The following MYO10 variants were observed in gnomAD, a reference collection of about 807,000 sequenced individuals.
MYO10 encodes unconventional myosin-X.
MYO10 carries 133 observed loss-of-function variants against 257.3 expected under a neutral mutation model. The ratio of observed to expected loss-of-function variants is 0.52; its 90% CI spans 0.45 to 0.60. The LOEUF (loss-of-function observed/expected upper bound fraction) is 0.60. Among genes scored for constraint, MYO10 ranks in the 20% least tolerant of loss-of-function variants. The pLI, the probability that MYO10 is intolerant of heterozygous loss-of-function variation, is 0.00. For missense variants in MYO10, 2,399 were observed against 2,635.7 expected, an observed-to-expected ratio of 0.91 and a Z score of 1.97; for synonymous variants, 1,104 against 1,028.6, an observed-to-expected ratio of 1.07 and a Z score of -1.40.
chr5:16,746,342 C>T (rs1308571948), intron 19 of MYO10, among the ~76,000 whole-genome samples: 4 of 152,158 alleles, frequency 2.6e-5, no homozygotes, highest in Non-Finnish European at 5.9e-5. Flanking sequence ...TTTGTGCTGA[C>T]CTCCTATCTC....
At chr5:16,810,985 C>T (rs1395838559) in intron 3 of MYO10, among the ~76,000 whole-genome samples, 1 of 149,358 alleles carries the variant, frequency 6.7e-6, no homozygotes, top group African/African-American at 2.5e-5. Flanking sequence ...AGAAGAATTG[C>T]TTGAACCCAG....
chr5:16,766,118 T>G lies in MYO10; in HGVS notation c.1141A>C (p.Arg381=), dbSNP rs373986430. The change falls in exon 11 of 41, where the codon AGG becomes CGG. Residue 381 remains arginine, a synonymous_variant. Transcript: ENST00000513610. ...DALTQRSMFL[R]GEEILTPLNV... is the part of the protein sequence containing the mutation. The stretch of plus-strand genomic sequence containing the variant: ...AGAGGCGTGAGGATCTCTTCTCCCC[T>G]GAGGAACATTGATCTCTGGGTCAAA... 198 of 1,613,660 alleles carry G rather than the reference T, an allele frequency of 1.2e-4. 2 individuals are homozygous for G. In the African/African-American group the frequency reaches 2.2e-3, roughly 18 times the overall value.
intron 1 of MYO10, among the ~76,000 whole-genome samples, chr5:16,882,482 CA>C (rs34097851): frequency 0.47 from 71,915 of 151,704 alleles, 17,652 homozygotes; most frequent in Admixed American, 0.54. Context: ...TTCTTACCAG[CA>C]AAAATACTGG....
intron 19 of MYO10, among the ~76,000 whole-genome samples, chr5:16,742,933 G>C (rs10037291): frequency 0.27 from 41,492 of 151,736 alleles, 9,343 homozygotes; most frequent in African/African-American, 0.61. Flanking sequence ...CTAGCCTGGA[G>C]AGCATGGAGA....
At chr5:16,835,679 T>C (rs1345323492) in intron 2 of MYO10, among the ~76,000 whole-genome samples, 1 of 151,094 alleles carries the variant, frequency 6.6e-6, no homozygotes, top group Non-Finnish European at 1.5e-5. Context: ...ATCCCCACTA[T>C]CAAGGAAATC....
At chr5:16,742,892 G>C (rs572585583) in intron 19 of MYO10, among the ~76,000 whole-genome samples, 2 of 151,964 alleles carry the variant, frequency 1.3e-5, no homozygotes, top group Non-Finnish European at 2.9e-5. Context: ...AGGCTGAAGC[G>C]GGTGGACTGC....
At chr5:16,828,817 G>A (rs556805015) in intron 2 of MYO10, among the ~76,000 whole-genome samples, 41 of 152,176 alleles carry the variant, frequency 2.7e-4, no homozygotes, top group Admixed American at 2.4e-3. Flanking sequence ...CCGGGCTCAA[G>A]CAGTCCTCCC....
intron 19 of MYO10, among the ~76,000 whole-genome samples, chr5:16,716,070 T>TAAC (rs1738859617): frequency 2.0e-5 from 3 of 149,386 alleles, no homozygotes; most frequent in Non-Finnish European, 1.5e-5. Flanking sequence ...AAAAAAAAAG[T>TAAC]ACATTAAGTA....
intron 2 of MYO10, among the ~76,000 whole-genome samples, chr5:16,853,836 C>A (rs1343339880): frequency 6.6e-6 from 1 of 152,144 alleles, no homozygotes; most frequent in Non-Finnish European, 1.5e-5. Flanking sequence ...CTTTCAACCT[C>A]CTATCCTCCT....
At chr5:16,720,578 C>T (rs1263473589) in intron 19 of MYO10, among the ~76,000 whole-genome samples, 2 of 152,112 alleles carry the variant, frequency 1.3e-5, no homozygotes, top group African/African-American at 4.8e-5. Flanking sequence ...CTCAGCCTCC[C>T]GGGTAGCTGG....
chr5:16,665,393 C>T lies in MYO10; in HGVS notation c.*1299G>A, dbSNP rs1259202736. 2.6e-5 allele frequency: 4 copies of T among 152,012 alleles called. No individual in the cohort carries two copies. Among genetic ancestry groups the T allele is most frequent in the Non-Finnish European group, 4.4e-5 (3 of 67,974 alleles). 9.4% of individuals were successfully genotyped at this position (152,012 alleles called of 1,614,324 possible). A position where few individuals can be genotyped will look rare whatever the true frequency, so the allele number is the denominator to read the frequency against. ...AAGGGACAAGGCAAATTTCTTTTTT[C>T]GTGTGGGTAGACTTAGTTGGCCCAA... On this transcript the variant is annotated 3_prime_UTR_variant, in exon 41 of 41. Transcript: ENST00000513610.
chr5:16,686,846 T>G (rs1737276294), intron 28 of MYO10, among the ~76,000 whole-genome samples: 1 of 152,164 alleles, frequency 6.6e-6, no homozygotes, highest in South Asian at 2.1e-4. Flanking sequence ...ATTTTTGTTA[T>G]GTATTCCCAG....
rs765901568 is a variant in MYO10, at chr5:16,694,499, C to T, written c.3672G>A (p.Gly1224=). The change falls in exon 27 of 41, where the codon GGG becomes GGA. Residue 1224 remains glycine (G), a synonymous_variant. Coordinates refer to ENST00000513610, the MANE Select transcript of MYO10 (RefSeq NM_012334.3). ...LKQGWLHKKG[G]GSSTLSRRNW... is the part of the protein sequence containing the mutation. ...TTCTCCTGGACAGCGTGGAGGAGCCCCCCCCTTTTTTGTGGAGCCAGCCTT... is the reference window on the plus strand; with the variant it reads ...TTCTCCTGGACAGCGTGGAGGAGCCTCCCCCTTTTTTGTGGAGCCAGCCTT... 6.2e-7 allele frequency: 1 copy of T among 1,613,990 alleles called. No homozygotes were observed. Among genetic ancestry groups the T allele is most frequent in the South Asian group, 1.1e-5 (1 of 91,088 alleles).
At chr5:16,920,783 C>T (rs771575168) in intron 1 of MYO10, among the ~76,000 whole-genome samples, 25 of 152,194 alleles carry the variant, frequency 1.6e-4, no homozygotes, top group Non-Finnish European at 3.2e-4. Context: ...CCTCTCTGTA[C>T]TATTTGGGTG....
chr5:16,698,552 A>ATCT (rs1442060918), intron 26 of MYO10, among the ~76,000 whole-genome samples: 1 of 151,456 alleles, frequency 6.6e-6, no homozygotes, highest in Non-Finnish European at 1.5e-5. Flanking sequence ...CCTCAGTGAG[A>ATCT]TCTTCACTTT....
chr5:16,704,401 T>G (rs1336869043), intron 22 of MYO10, among the ~76,000 whole-genome samples, 178 bp downstream of exon 22: 1 of 152,102 alleles, frequency 6.6e-6, no homozygotes, highest in Admixed American at 6.5e-5. Context: ...AGTGCAGAGC[T>G]CCCTTTCCTA....
intron 2 of MYO10, among the ~76,000 whole-genome samples, chr5:16,868,391 T>C (rs1445359711): frequency 6.6e-6 from 1 of 152,116 alleles, no homozygotes; most frequent in African/African-American, 2.4e-5. Context: ...GATCACAAGG[T>C]CAGGAGATCA....
chr5:16,672,805 T>A lies in MYO10; in HGVS notation c.5193A>T (p.Arg1731=). 2 of 1,613,596 alleles carry A rather than the reference T, an allele frequency of 1.2e-6. No individual in the cohort carries two copies. Among genetic ancestry groups the A allele is most frequent in the Non-Finnish European group, 1.7e-6 (2 of 1,179,722 alleles). Residue 1731 remains arginine (R), a synonymous_variant, in exon 37 of 41, where the codon CGA becomes CGT. Transcript: ENST00000513610. Reference sequence around the variant, plus strand: ...TCCTGCTGTCCTCCATGGCCAGGCCTCGGATCAGCTTCTCCACCACCTGGA... The same window carrying A: ...TCCTGCTGTCCTCCATGGCCAGGCCACGGATCAGCTTCTCCACCACCTGGA... The part of the protein sequence containing the change: ...TAGEVVEKLI[R]GLAMEDSRNM...
At chr5:16,700,871 T>C (rs764637374) in intron 25 of MYO10, 92 bp downstream of exon 25, 6 of 1,352,216 alleles carry the variant, frequency 4.4e-6, no homozygotes, top group Admixed American at 2.6e-5. Context: ...TGCACAGATA[T>C]CCTACGGGTA....
Sources: gnomAD v4.1 joint callset for allele counts (sites outside exome capture counted in the v4.1 genomes callset) on GRCh38, gnomAD v4.1.1 for gene constraint, MANE v1.5 for transcripts, NCBI Gene and HGNC (gene_info 2026-07-23, HGNC 2026-07-21) for gene names.